The following ZNF212 variants were observed in gnomAD, a reference collection of about 807,000 sequenced individuals.
ZNF212 encodes the protein zinc finger protein 212, also known as Zinc finger protein C2H2-150.
In ZNF212, 32 loss-of-function variants were observed where a neutral mutation model predicts 47.3. The ratio of observed to expected loss-of-function variants is 0.68; its 90% CI spans 0.51 to 0.91. The LOEUF (loss-of-function observed/expected upper bound fraction) is 0.91. ZNF212 is among the 40% of genes least tolerant of loss of function. The pLI, the probability that ZNF212 is intolerant of heterozygous loss-of-function variation, is 0.00. For synonymous variants in ZNF212, 242 were observed against 253.8 expected, an observed-to-expected ratio of 0.95 and a Z score of 0.44; for missense variants, 555 against 622.8, an observed-to-expected ratio of 0.89 and a Z score of 1.16.
At chr7:149,245,089 C>T (rs574808275) in intron 1 of ZNF212, among the ~76,000 whole-genome samples, 17 of 152,244 alleles carry the variant, frequency 1.1e-4, no homozygotes, top group Non-Finnish European at 2.9e-5. Flanking sequence ...TGGCTCATGC[C>T]TATAATCCTA....
At chr7:149,251,133 G>A (rs1208265840) in intron 3 of ZNF212, 1 of 271,094 alleles carries the variant, frequency 3.7e-6, no homozygotes, top group Non-Finnish European at 7.0e-6. Flanking sequence ...ATACCCTATA[G>A]TGTGATATGG....
chr7:149,245,138 C>G (rs1486611242), intron 1 of ZNF212, among the ~76,000 whole-genome samples: 2 of 151,972 alleles, frequency 1.3e-5, no homozygotes, highest in Admixed American at 6.6e-5. Flanking sequence ...CATTTGAGGT[C>G]AGGAGTTTGA....
Position 149,254,174 on chromosome 7 carries a change from G to A in ZNF212, c.1247G>A (p.Gly416Asp). The A allele has an allele frequency of 6.2e-7, 1 of 1,614,232 alleles. No homozygotes were observed. Among genetic ancestry groups the A allele is most frequent in the Non-Finnish European group, 8.5e-7 (1 of 1,180,022 alleles). Residue 416 changes from glycine to aspartate, a missense_variant, in exon 5 of 5, where the codon GGC becomes GAC. Physicochemically the swap from Gly to Asp is moderately conservative, Grantham distance 94 (BLOSUM62 -1). Coordinates refer to ENST00000335870, the MANE Select transcript of ZNF212 (RefSeq NM_012256.4). This position sits in a 1 kb window ranked among gnomAD's most constrained non-coding sequence, Gnocchi z 4.5. ...FSPNSLVALP[G>D]HIPWRKSRSS... ...CCCAACAGCCTGGTTGCCCTGCCTGGCCACATCCCTTGGAGGAAAAGCCGG... is the reference window on the plus strand; with the variant it reads ...CCCAACAGCCTGGTTGCCCTGCCTGACCACATCCCTTGGAGGAAAAGCCGG...
chr7:149,251,190 T>C, intron 3 of ZNF212: 1 of 263,288 alleles, frequency 3.8e-6, no homozygotes, highest in East Asian at 1.4e-4. Flanking sequence ...CTTTTTTTTT[T>C]CTTTTTTTCT....
Position 149,254,437 on chromosome 7 carries a change from T to TG in ZNF212, c.*27dup. ...TTAAGGGTGCAGCCCCTCGCCCGTCTGGGGGATGGAGGGGGGTGGCATTGG... is the reference window on the plus strand; with the variant it reads ...TTAAGGGTGCAGCCCCTCGCCCGTCTGGGGGGATGGAGGGGGGTGGCATTGG... On this transcript the variant is annotated 3_prime_UTR_variant, in exon 5 of 5. Transcript: ENST00000335870. The surrounding 1 kb of genome is among the most constrained non-coding windows in gnomAD (Gnocchi z 4.5). 6.4e-7 allele frequency: 1 copy of TG among 1,563,960 alleles called. No individual in the cohort carries two copies.
rs758158588 is a variant in ZNF212 at position 149,250,638 on chromosome 7, G to T, written c.415-43G>T. On this transcript the variant is annotated intron_variant, in intron 2 of 4. Coordinates refer to ENST00000335870, the MANE Select transcript of ZNF212 (RefSeq NM_012256.4). ...CTCAGTTGCTGGCTTTTCTGTCATAGCTGTGAGTAGAAGCACTCATGGTGT... is the reference window on the plus strand; with the variant it reads ...CTCAGTTGCTGGCTTTTCTGTCATATCTGTGAGTAGAAGCACTCATGGTGT... 1.9e-6 allele frequency: 3 copies of T among 1,613,522 alleles called. No individual in the cohort carries two copies. The East Asian group carries it at 6.7e-5, about 36-fold the overall frequency.
At position 149,250,152 on chromosome 7, in the gene ZNF212, C is replaced by A; in HGVS notation, c.25-7C>A. On this transcript the variant is annotated splice_polypyrimidine_tract_variant and splice_region_variant and intron_variant, in intron 1 of 4. Coordinates refer to ENST00000335870, the MANE Select transcript of ZNF212 (RefSeq NM_012256.4). Reference sequence around the variant, plus strand: ...GTGACATTGACCCTGTGTCTTTAATCCATCAGCACAGGAGAAAACGACGCT... The same window carrying A: ...GTGACATTGACCCTGTGTCTTTAATACATCAGCACAGGAGAAAACGACGCT... The A allele has an allele frequency of 6.6e-7, 1 of 1,505,976 alleles. No individual in the cohort carries two copies. The highest frequency in any genetic ancestry group is 1.4e-5 in the South Asian group (1 of 71,948). 93.3% of individuals were successfully genotyped at this position (1,505,976 alleles called of 1,614,324 possible).
chr7:149,250,525 G>A lies in ZNF212; in HGVS notation c.391G>A (p.Gly131Ser), dbSNP rs1796737629. 3 of 1,613,194 alleles carry A rather than the reference G, an allele frequency of 1.9e-6. No individual in the cohort carries two copies. Among genetic ancestry groups the A allele is most frequent in the Non-Finnish European group, 1.7e-6 (2 of 1,179,488 alleles). The stretch of plus-strand genomic sequence containing the variant: ...CTTCTGGATCCTGCGGCTGCCCCCG[G>A]GCAGCAAGGGGGAGGCCCCCAAGGT... ...RNFWILRLPP[G>S]SKGEAPKVSR... The change falls in exon 2 of 5, where the codon GGC (glycine) becomes AGC (serine). Residue 131 changes from glycine (G) to serine (S), a missense_variant. Transcript: ENST00000335870.
intron 1 of ZNF212, among the ~76,000 whole-genome samples, chr7:149,244,054 G>T (rs1585591730): frequency 6.6e-6 from 1 of 152,258 alleles, no homozygotes; most frequent in Middle Eastern, 3.4e-3. Flanking sequence ...TTCTGCCTCA[G>T]CCTCCTGAGT....
intron 1 of ZNF212, among the ~76,000 whole-genome samples, chr7:149,240,856 A>G (rs1281134489): frequency 6.6e-6 from 1 of 152,216 alleles, no homozygotes; most frequent in African/African-American, 2.4e-5. Flanking sequence ...TCTTGTAGAA[A>G]GTGCGTTAAG....
chr7:149,242,039 T>A (rs1403383314), intron 1 of ZNF212, among the ~76,000 whole-genome samples: 1 of 117,292 alleles, frequency 8.5e-6, no homozygotes, highest in Admixed American at 9.6e-5. Context: ...TTTTTTTTTT[T>A]TGAGAGAGTC....
chr7:149,254,599 G>C lies in ZNF212; in HGVS notation c.*184G>C. Reference sequence around the variant, plus strand: ...CCCTGTGGAAGAAGAGTCCAGGCCAGGTCTTCATCCTGCTGCCAAGTTTGC... The same window carrying C: ...CCCTGTGGAAGAAGAGTCCAGGCCACGTCTTCATCCTGCTGCCAAGTTTGC... On this transcript the variant is annotated 3_prime_UTR_variant, in exon 5 of 5. Coordinates refer to ENST00000335870, the MANE Select transcript of ZNF212 (RefSeq NM_012256.4). This position sits in a 1 kb window ranked among gnomAD's most constrained non-coding sequence, Gnocchi z 4.5. The C allele has an allele frequency of 1.1e-6, 1 of 892,052 alleles. No individual in the cohort carries two copies. Among genetic ancestry groups the C allele is most frequent in the Non-Finnish European group, 1.6e-6 (1 of 626,464 alleles). The allele number at this position is 892,052 out of a possible 1,614,324, so 55.3% of individuals were successfully genotyped here. A position where few individuals can be genotyped will look rare whatever the true frequency, so the allele number is the denominator to read the frequency against.
chr7:149,239,862 G>A lies in ZNF212; in HGVS notation c.24+60G>A. On this transcript the variant is annotated intron_variant, in intron 1 of 4. Transcript: ENST00000335870. Reference sequence around the variant, plus strand: ...GTTGGGGATGGCGGAGTCCCCTGCCGGGGGCGGGGCTTCGCGGTTTGGACG... The same window carrying A: ...GTTGGGGATGGCGGAGTCCCCTGCCAGGGGCGGGGCTTCGCGGTTTGGACG... 3 of 1,260,678 alleles carry A rather than the reference G, an allele frequency of 2.4e-6. No individual in the cohort carries two copies. The East Asian group carries it at 9.4e-5, about 39-fold the overall frequency. 78.1% of individuals were successfully genotyped at this position (1,260,678 alleles called of 1,614,324 possible).
At chr7:149,242,152 G>A (rs1796602255) in intron 1 of ZNF212, among the ~76,000 whole-genome samples, 1 of 151,174 alleles carries the variant, frequency 6.6e-6, no homozygotes, top group Non-Finnish European at 1.5e-5. Flanking sequence ...CTCCGGAGTA[G>A]CTGGGATTAC....
At chr7:149,242,016 C>CT (rs1487200170) in intron 1 of ZNF212, among the ~76,000 whole-genome samples, 6 of 134,068 alleles carry the variant, frequency 4.5e-5, no homozygotes, top group Admixed American at 4.1e-4. Context: ...TTTTTCTTTT[C>CT]TTTTCTTTTT....
rs1796809395 is a variant in ZNF212 at position 149,254,483 on chromosome 7, A to C, written c.*68A>C. ...ATTGGTTCCCCCGAAGAGACACTGC[A>C]GTCAGGGACTGAGTTCTTCCTGAGG... On this transcript the variant is annotated 3_prime_UTR_variant, in exon 5 of 5. Coordinates refer to ENST00000335870, the MANE Select transcript of ZNF212 (RefSeq NM_012256.4). The surrounding 1 kb of genome is among the most constrained non-coding windows in gnomAD (Gnocchi z 4.5). 3 of 1,513,244 alleles carry C rather than the reference A, an allele frequency of 2.0e-6. No homozygotes were observed. The East Asian group carries it at 6.8e-5, about 34-fold the overall frequency. 93.7% of individuals were successfully genotyped at this position (1,513,244 alleles called of 1,614,324 possible). A position where few individuals can be genotyped will look rare whatever the true frequency, so the allele number is the denominator to read the frequency against.
chr7:149,240,684 G>C (rs932541681), intron 1 of ZNF212, among the ~76,000 whole-genome samples: 2 of 152,172 alleles, frequency 1.3e-5, no homozygotes, highest in African/African-American at 4.8e-5. Flanking sequence ...CAACACCAGA[G>C]GGTTTGCAAC....
chr7:149,250,877 T>G (rs1796745488), intron 3 of ZNF212, 70 bp downstream of exon 3: 1 of 1,596,866 alleles, frequency 6.3e-7, no homozygotes, highest in Admixed American at 1.7e-5. Context: ...AGCCTGTAAT[T>G]CAGACCACAC....
At chr7:149,240,044 A>T in intron 1 of ZNF212, 1 of 426,962 alleles carries the variant, frequency 2.3e-6, no homozygotes, top group South Asian at 1.3e-4. Context: ...AACTTCTCTG[A>T]CGCTTGCTTT....
Sources: gnomAD v4.1 joint callset for allele counts (sites outside exome capture counted in the v4.1 genomes callset) on GRCh38, gnomAD v4.1.1 for gene constraint, Gnocchi (gnomAD v3.1) non-coding constraint, MANE v1.5 for transcripts, NCBI Gene and HGNC (gene_info 2026-07-23, HGNC 2026-07-21) for gene names.